Variants in BCR observed in about 807,000 individuals in gnomAD.
The protein encoded by BCR is breakpoint cluster region protein.
BCR carries 58 observed loss-of-function variants against 138.6 expected under a neutral mutation model. The ratio of observed to expected loss-of-function variants is 0.42; its 90% confidence interval spans 0.34 to 0.52. The LOEUF (loss-of-function observed/expected upper bound fraction) is 0.52, where lower values mean the gene tolerates loss of function less well. Ranked by LOEUF, BCR falls within the 20% of genes least tolerant of loss-of-function variation. BCR has a pLI of 0.06. For missense variants in BCR, 1,599 were observed against 1,727.2 expected (o/e 0.93, Z 1.32); for synonymous variants, 786 against 730.1 (o/e 1.08, Z -1.23).
intron 1 of BCR, among the ~76,000 whole-genome samples, chr22:23,224,664 T>A (rs147865953): frequency 1.3e-5 from 2 of 152,118 alleles, no homozygotes; most frequent in African/African-American, 4.8e-5. Flanking sequence ...GGCGGATCAC[T>A]TGAGGTCAGG....
intron 8 of BCR, among the ~76,000 whole-genome samples, chr22:23,279,319 A>G (rs1455539962): frequency 6.6e-6 from 1 of 152,198 alleles, no homozygotes. Flanking sequence ...AGGGAGGGCA[A>G]GTCAAGAGCA....
chr22:23,257,026 A>G (rs1482291294), intron 2 of BCR, among the ~76,000 whole-genome samples: 1 of 151,712 alleles, frequency 6.6e-6, no homozygotes, highest in Non-Finnish European at 1.5e-5. Flanking sequence ...GCCTGCCTCC[A>G]TGGCCCTCCC....
chr22:23,292,670 G>T lies in BCR; in HGVS notation c.2880+32G>T, dbSNP rs374374390. ...AACTGATTCCACAAGGGCCCAGCCT[G>T]CCAGGTGGGGCACAGGATATTTTCC... On this transcript the variant is annotated intron_variant, in intron 15 of 22. Transcript: ENST00000305877. 4.0e-4 allele frequency: 621 copies of T among 1,549,860 alleles called. 1 individual carries two copies. The highest frequency in any genetic ancestry group is 5.4e-4 in the Non-Finnish European group (609 of 1,125,414).
chr22:23,240,524 G>A (rs1338731202), intron 1 of BCR, among the ~76,000 whole-genome samples: 3 of 151,998 alleles, frequency 2.0e-5, no homozygotes, highest in East Asian at 1.9e-4. Flanking sequence ...GGTGGCGGGC[G>A]CCTGTAGTTC....
intron 1 of BCR, chr22:23,250,945 A>G (rs2073219221): frequency 6.6e-6 from 1 of 152,214 alleles, no homozygotes; most frequent in South Asian, 2.1e-4. Context: ...ATTACACCAC[A>G]GCTCACTTCC....
At chr22:23,234,371 T>C (rs2072998786) in intron 1 of BCR, among the ~76,000 whole-genome samples, 1 of 152,150 alleles carries the variant, frequency 6.6e-6, no homozygotes, top group Non-Finnish European at 1.5e-5. Context: ...ATAAGTGTGT[T>C]CTACAGAACC....
intron 1 of BCR, among the ~76,000 whole-genome samples, chr22:23,244,464 C>A (rs562341698): frequency 3.9e-5 from 6 of 152,138 alleles, no homozygotes; most frequent in African/African-American, 1.4e-4. Flanking sequence ...GTCCTGGCTC[C>A]GTGGTCATTT....
intron 8 of BCR, among the ~76,000 whole-genome samples, chr22:23,282,871 C>G (rs766827914): frequency 6.6e-6 from 1 of 152,222 alleles, no homozygotes; most frequent in Non-Finnish European, 1.5e-5. Context: ...CACTTGGCCT[C>G]TCTGCCACGA....
chr22:23,186,082 G>A (rs545018235), intron 1 of BCR, among the ~76,000 whole-genome samples: 1 of 152,330 alleles, frequency 6.6e-6, no homozygotes, highest in East Asian at 1.9e-4. Flanking sequence ...AAGAGAGGGA[G>A]AGGCACACAT....
chr22:23,271,253 A>G (rs1163275909), intron 5 of BCR, among the ~76,000 whole-genome samples: 2 of 152,228 alleles, frequency 1.3e-5, no homozygotes, highest in Admixed American at 1.3e-4. Context: ...TCAGCACCCT[A>G]AGGTGCCCAG....
intron 1 of BCR, among the ~76,000 whole-genome samples, chr22:23,229,945 C>T (rs1386689699): frequency 1.3e-5 from 2 of 152,062 alleles, no homozygotes; most frequent in African/African-American, 4.8e-5. Context: ...GAGGAATGGA[C>T]ACGTTGTTTG....
At chr22:23,268,563 G>A in intron 5 of BCR, 48 bp downstream of exon 5, 2 of 1,475,030 alleles carry the variant, frequency 1.4e-6, no homozygotes, top group South Asian at 1.2e-5. Flanking sequence ...ACTCCCACCT[G>A]TACCCTCCAC....
chr22:23,198,947 C>T (rs910192042), intron 1 of BCR, among the ~76,000 whole-genome samples: 1 of 151,862 alleles, frequency 6.6e-6, no homozygotes, highest in Non-Finnish European at 1.5e-5. Flanking sequence ...TGGCGAAACC[C>T]GGTCTCTATT....
intron 8 of BCR, among the ~76,000 whole-genome samples, chr22:23,276,625 A>G (rs912292131): frequency 1.3e-5 from 2 of 152,188 alleles, no homozygotes; most frequent in African/African-American, 4.8e-5. Context: ...GAGGCACGTT[A>G]AGGGAGGTGG....
chr22:23,263,126 A>G, intron 4 of BCR: 3 of 707,478 alleles, frequency 4.2e-6, no homozygotes, highest in Non-Finnish European at 6.9e-6. Flanking sequence ...TCCCGGGGAC[A>G]GGGGCGGCCA....
chr22:23,292,072 T>A (rs1212788111), intron 14 of BCR, among the ~76,000 whole-genome samples: 1 of 152,224 alleles, frequency 6.6e-6, no homozygotes, highest in African/African-American at 2.4e-5. Flanking sequence ...CTGCTTCCTG[T>A]GCCCCACAGT....
chr22:23,263,314 C>A, intron 4 of BCR: 1 of 1,170,608 alleles, frequency 8.5e-7, no homozygotes, highest in Non-Finnish European at 1.2e-6. Context: ...TGGCACTTCA[C>A]CAACTGCGAC....
At chr22:23,251,562 C>G (rs1401794291) in intron 1 of BCR, among the ~76,000 whole-genome samples, 1 of 152,226 alleles carries the variant, frequency 6.6e-6, no homozygotes, top group Non-Finnish European at 1.5e-5. Context: ...CACGGCTCTC[C>G]CCGGCCTTCC....
intron 22 of BCR, among the ~76,000 whole-genome samples, chr22:23,314,922 A>G (rs538770652): frequency 2.0e-4 from 30 of 152,350 alleles, no homozygotes; most frequent in South Asian, 1.0e-3. Context: ...ACTTTGCTGG[A>G]AGCTTAAAAC....
Sources: allele counts gnomAD v4.1 joint callset (sites outside exome capture counted in the v4.1 genomes callset), GRCh38; gene constraint gnomAD v4.1.1; transcripts MANE v1.5; gene names NCBI Gene and HGNC (gene_info 2026-07-23, HGNC 2026-07-21).